ARID5A: variants seen among roughly 807,000 people sequenced by gnomAD.
ARID5A encodes AT-rich interaction domain 5A, also known as AT-rich interactive domain-containing protein 5A.
In ARID5A, 14 loss-of-function variants were observed where a neutral mutation model predicts 30.5. The observed-to-expected ratio is 0.46, with a 90% CI of 0.30 to 0.72. The LOEUF is 0.72. ARID5A is among the 30% of genes least tolerant of loss of function. The pLI is 0.07. For synonymous variants in ARID5A, 338 were observed against 340.4 expected (o/e 0.99, Z 0.08); for missense variants, 669 against 786.2 (o/e 0.85, Z 1.78).
At position 96,552,580 on chromosome 2, in the gene ARID5A, G is replaced by A. The variant is rs1024111959; in HGVS notation, c.*267G>A. The stretch of plus-strand genomic sequence containing the variant: ...CTCCCACTGCCCCAGAGCGGAGCTC[G>A]AAGCACCCAGGTTGCCCACGGAAAA... On this transcript the variant is annotated 3_prime_UTR_variant, in exon 7 of 7. Coordinates refer to ENST00000357485, the MANE Select transcript of ARID5A (RefSeq NM_212481.3). The A allele has an allele frequency of 1.5e-5, 22 of 1,493,310 alleles. No homozygotes were observed. The highest frequency in any genetic ancestry group is 4.2e-5 in the African/African-American group (3 of 71,280). The allele number at this position is 1,493,310 out of a possible 1,614,324, so 92.5% of individuals were successfully genotyped here. A position where few individuals can be genotyped will look rare whatever the true frequency, so the allele number is the denominator to read the frequency against.
At chr2:96,547,546 G>A in intron 2 of ARID5A, 29 bp downstream of exon 2, 10 of 1,604,326 alleles carry the variant, frequency 6.2e-6, no homozygotes, top group Middle Eastern at 1.7e-4. Flanking sequence ...CTGACTCCCT[G>A]GGCACTCTTC....
chr2:96,548,020 C>T (rs2065959297), intron 2 of ARID5A, among the ~76,000 whole-genome samples: 1 of 152,174 alleles, frequency 6.6e-6, no homozygotes, highest in Non-Finnish European at 1.5e-5. Context: ...TTGTCTTTAG[C>T]AGCTTGCCAG....
rs531945636 is a variant in ARID5A, at chr2:96,548,088, T to G, written c.120+571T>G. ...GACTTGAGCAGTTATGAGAGAGCCT[T>G]CCTTCTGAGGTCTGCACAGACCAGC... On this transcript the variant is annotated intron_variant, in intron 2 of 6. Transcript: ENST00000357485. Among the ~76,000 whole-genome samples the G allele has an allele frequency of 2.4e-4, 36 of 152,316 alleles. No homozygotes were observed. The South Asian group carries it at 7.0e-3, about 30-fold the overall frequency.
intron 1 of ARID5A, 38 bp from the exon 2 acceptor site, chr2:96,547,364 C>A: frequency 6.4e-7 from 1 of 1,569,524 alleles, no homozygotes; most frequent in Non-Finnish European, 8.8e-7. Flanking sequence ...GCTCTCTCCC[C>A]ACCCCTTCCT....
In ARID5A at chr2:96,549,306, C is replaced by T. The variant is rs1282917195; in HGVS notation, c.121-15C>T. The stretch of plus-strand genomic sequence containing the variant: ...CAACTGGGGCCCATCCCAATGCCTC[C>T]TGTTCTCTCCCCAGGACTCCCCCGA... On this transcript the variant is annotated splice_polypyrimidine_tract_variant and intron_variant, in intron 2 of 6. Coordinates refer to ENST00000357485, the MANE Select transcript of ARID5A (RefSeq NM_212481.3). This position sits in a 1 kb window ranked among gnomAD's most constrained non-coding sequence, Gnocchi z 6.1. 1 of 1,609,668 alleles carries T rather than the reference C, an allele frequency of 6.2e-7. No individual in the cohort carries two copies. The highest frequency in any genetic ancestry group is 8.5e-7 in the Non-Finnish European group (1 of 1,178,548).
In ARID5A at chr2:96,550,882, T is replaced by C. The variant is rs1217434495; in HGVS notation, c.570+149T>C. Reference sequence around the variant, plus strand: ...TGCAAGGTTCCAGGTTCTCCACAGATGGTTGTGCAAGTGGACTCTGAACTC... The same window carrying C: ...TGCAAGGTTCCAGGTTCTCCACAGACGGTTGTGCAAGTGGACTCTGAACTC... On this transcript the variant is annotated intron_variant, in intron 6 of 6. Transcript: ENST00000357485. The surrounding 1 kb of genome is among the most constrained non-coding windows in gnomAD (Gnocchi z 6.6). The C allele has an allele frequency of 1.1e-5, 14 of 1,287,796 alleles. No homozygotes were observed. The highest frequency in any genetic ancestry group is 2.7e-4 in the Middle Eastern group (1 of 3,706). The allele number at this position is 1,287,796 out of a possible 1,614,324, so 79.8% of individuals were successfully genotyped here. A position where few individuals can be genotyped will look rare whatever the true frequency, so the allele number is the denominator to read the frequency against.
At position 96,551,478 on chromosome 2, in the gene ARID5A, G is replaced by T; in HGVS notation, c.950G>T (p.Gly317Val). 1 of 1,589,348 alleles carries T rather than the reference G, an allele frequency of 6.3e-7. No homozygotes were observed. The highest frequency in any genetic ancestry group is 8.6e-7 in the Non-Finnish European group (1 of 1,167,942). ...NSRHRLTPQE[G>V]LQAPGGSLRE... The stretch of plus-strand genomic sequence containing the variant: ...AGGCACCGGCTGACCCCTCAGGAGG[G>T]ATTGCAGGCCCCAGGTGGCAGCCTC... The change falls in exon 7 of 7, where the codon GGA (glycine) becomes GTA (valine). Residue 317 changes from glycine (G) to valine (V), a missense_variant. Coordinates refer to ENST00000357485, the MANE Select transcript of ARID5A (RefSeq NM_212481.3).
At chr2:96,538,897 G>A (rs2065794417) in intron 1 of ARID5A, among the ~76,000 whole-genome samples, 1 of 152,146 alleles carries the variant, frequency 6.6e-6, no homozygotes, top group Non-Finnish European at 1.5e-5. Flanking sequence ...AGATGGGGAG[G>A]GAGAGAAGGA....
At position 96,550,414 on chromosome 2, in the gene ARID5A, C is replaced by G. The variant is rs1364184702; in HGVS notation, c.410+129C>G. On this transcript the variant is annotated intron_variant, in intron 5 of 6. Transcript: ENST00000357485. This position sits in a 1 kb window ranked among gnomAD's most constrained non-coding sequence, Gnocchi z 6.6. ...TGCGCCGTCCTCAGAGCTGCGGGAG[C>G]CCAGGCTGGCTGGGCGCACTCACTG... 2.8e-6 allele frequency: 4 copies of G among 1,430,022 alleles called. No individual in the cohort carries two copies. The highest frequency in any genetic ancestry group is 3.7e-6 in the Non-Finnish European group (4 of 1,093,072). 88.6% of individuals were successfully genotyped at this position (1,430,022 alleles called of 1,614,324 possible).
At chr2:96,542,917 C>T (rs1423897402) in intron 1 of ARID5A, among the ~76,000 whole-genome samples, 2 of 152,104 alleles carry the variant, frequency 1.3e-5, no homozygotes, top group African/African-American at 4.8e-5. Flanking sequence ...CAGGAATTCA[C>T]GGATAGCTAG....
At position 96,552,397 on chromosome 2, in the gene ARID5A, T is replaced by G; in HGVS notation, c.*84T>G. On this transcript the variant is annotated 3_prime_UTR_variant, in exon 7 of 7. Coordinates refer to ENST00000357485, the MANE Select transcript of ARID5A (RefSeq NM_212481.3). ...CTGCTGCCAGGGGGCTCTGAACTAG[T>G]GCCTGCTACCCAGGACACCCGGGCC... 6.3e-7 allele frequency: 1 copy of G among 1,589,040 alleles called. No individual in the cohort carries two copies. Among genetic ancestry groups the G allele is most frequent in the Non-Finnish European group, 8.6e-7 (1 of 1,169,120 alleles).
intron 1 of ARID5A, among the ~76,000 whole-genome samples, chr2:96,543,232 G>T (rs1445407044): frequency 6.6e-6 from 1 of 152,206 alleles, no homozygotes; most frequent in Non-Finnish European, 1.5e-5. Flanking sequence ...GTCCCCCAGG[G>T]AGGCAAGCAA....
At chr2:96,542,450 G>A (rs567596213) in intron 1 of ARID5A, among the ~76,000 whole-genome samples, 41 of 152,226 alleles carry the variant, frequency 2.7e-4, no homozygotes, top group African/African-American at 8.7e-4. Flanking sequence ...CAGGTAACAC[G>A]AGCACCCAAC....
In ARID5A at chr2:96,551,782, G is replaced by A. The variant is rs1242687065; in HGVS notation, c.1254G>A (p.Val418=). 1.3e-6 allele frequency: 2 copies of A among 1,539,894 alleles called. No homozygotes were observed. Among genetic ancestry groups the A allele is most frequent in the Admixed American group, 4.4e-5 (2 of 45,820 alleles). Reference sequence around the variant, plus strand: ...ACCCCAAGCCCAAAGCCTGCTGGGTGTCCCCCATGGCCAAGGTCCCAGCCG... The same window carrying A: ...ACCCCAAGCCCAAAGCCTGCTGGGTATCCCCCATGGCCAAGGTCCCAGCCG... ...ILYPKPKACW[V]SPMAKVPAES... Residue 418 remains valine (V), a synonymous_variant, in exon 7 of 7, where the codon GTG becomes GTA. Coordinates refer to ENST00000357485, the MANE Select transcript of ARID5A (RefSeq NM_212481.3).
chr2:96,546,411 C>A (rs1305967163), intron 1 of ARID5A, among the ~76,000 whole-genome samples: 1 of 152,204 alleles, frequency 6.6e-6, no homozygotes, highest in South Asian at 2.1e-4. Flanking sequence ...TTTGCAGTGG[C>A]AGAGGTGTTG....
Position 96,550,018 on chromosome 2 carries a change from TGG to T in ARID5A, c.313-168_313-167del. 1 of 1,533,664 alleles carries T rather than the reference TGG, an allele frequency of 6.5e-7. No homozygotes were observed. Among genetic ancestry groups the T allele is most frequent in the Non-Finnish European group, 8.7e-7 (1 of 1,146,358 alleles). On this transcript the variant is annotated intron_variant, in intron 4 of 6. Transcript: ENST00000357485. This position sits in a 1 kb window ranked among gnomAD's most constrained non-coding sequence, Gnocchi z 6.6. Reference sequence around the variant, plus strand: ...CCCGCCCCGTGTTGGGAAAACTGCTTGGGCCAGCAGTCCATGGCCCTAGGAGA... The same window carrying T: ...CCCGCCCCGTGTTGGGAAAACTGCTTGCCAGCAGTCCATGGCCCTAGGAGA...
chr2:96,546,649 G>A (rs1558617125), intron 1 of ARID5A, among the ~76,000 whole-genome samples: 1 of 152,232 alleles, frequency 6.6e-6, no homozygotes, highest in South Asian at 2.1e-4. Flanking sequence ...CGTGGCCAGG[G>A]GCCAGAGGAG....
intron 1 of ARID5A, among the ~76,000 whole-genome samples, chr2:96,541,212 A>T (rs1387789408): frequency 2.0e-5 from 3 of 150,882 alleles, no homozygotes; most frequent in Non-Finnish European, 4.4e-5. Flanking sequence ...TAATTTTTGT[A>T]TTTTTAGTAG....
chr2:96,541,258 G>C (rs925120160), intron 1 of ARID5A, among the ~76,000 whole-genome samples: 2 of 151,936 alleles, frequency 1.3e-5, no homozygotes, highest in African/African-American at 4.8e-5. Context: ...GGATGGTCTC[G>C]ATCTCTTGAC....
Sources: gnomAD v4.1 joint callset for allele counts (sites outside exome capture counted in the v4.1 genomes callset) on GRCh38, gnomAD v4.1.1 for gene constraint, Gnocchi (gnomAD v3.1) non-coding constraint, MANE v1.5 for transcripts, NCBI Gene and HGNC (gene_info 2026-07-23, HGNC 2026-07-21) for gene names.